UGGT1: variants seen among roughly 807,000 people sequenced by gnomAD.
The protein encoded by UGGT1 is UDP-glucose glycoprotein glucosyltransferase 1.
A neutral mutation model predicts 203.9 loss-of-function variants in UGGT1; 107 were observed. The observed-to-expected ratio is 0.52, with a 90% confidence interval of 0.45 to 0.62. The LOEUF is 0.62. Ranked by LOEUF, UGGT1 falls within the 20% of genes least tolerant of loss-of-function variation. The pLI is 0.00. For missense variants in UGGT1, 1,673 were observed against 1,867.2 expected, an observed-to-expected ratio of 0.90 and a Z score of 1.92; for synonymous variants, 628 against 653.5, an observed-to-expected ratio of 0.96 and a Z score of 0.59.
chr2:128,160,383 T>C (rs1389647304), intron 23 of UGGT1, 77 bp from the exon 24 acceptor site: 2 of 1,436,540 alleles, frequency 1.4e-6, no homozygotes, highest in African/African-American at 2.9e-5. Flanking sequence ...ATTTTTATGG[T>C]TTATTCACTG....
chr2:128,129,414 TTC>T (rs1365772877), intron 13 of UGGT1, among the ~76,000 whole-genome samples: 2 of 151,132 alleles, frequency 1.3e-5, no homozygotes, highest in African/African-American at 4.9e-5. Flanking sequence ...TTTTTTTTTT[TTC>T]AAGACAGAGT....
intron 8 of UGGT1, 29 bp downstream of exon 8, chr2:128,116,372 C>T (rs565942821): frequency 1.3e-5 from 19 of 1,443,308 alleles, no homozygotes; most frequent in Non-Finnish European, 1.8e-5. Context: ...TTTTGGGAAA[C>T]GCCCTCATTT....
At chr2:128,112,454 T>TTATATATATA (rs59726004) in intron 5 of UGGT1, among the ~76,000 whole-genome samples, 616 of 55,786 alleles carry the variant, frequency 0.011, 122 homozygotes, top group Admixed American at 0.037. Context: ...AAATACTATG[T>TTATATATATA]TATATATATA....
At chr2:128,145,524 AT>A (rs1553439898) in intron 17 of UGGT1, 1 of 60,366 alleles carries the variant, frequency 1.7e-5, no homozygotes, top group Non-Finnish European at 3.2e-5. Flanking sequence ...ACACACACAC[AT>A]ACACAAACAC....
At chr2:128,111,560 C>T (rs1687849872) in intron 5 of UGGT1, among the ~76,000 whole-genome samples, 1 of 151,964 alleles carries the variant, frequency 6.6e-6, no homozygotes, top group Non-Finnish European at 1.5e-5. Context: ...GGCTGGAGTG[C>T]AGTGGTGCCA....
intron 15 of UGGT1, among the ~76,000 whole-genome samples, chr2:128,135,880 A>G (rs963997545): frequency 2.0e-5 from 3 of 152,266 alleles, no homozygotes; most frequent in African/African-American, 2.4e-5. Flanking sequence ...TTTGAGTTTC[A>G]TGACATTTTT....
chr2:128,148,270 C>T (rs1689786134), intron 18 of UGGT1, among the ~76,000 whole-genome samples: 3 of 152,112 alleles, frequency 2.0e-5, no homozygotes, highest in Admixed American at 1.3e-4. Context: ...CCACATCGGC[C>T]AGGCTCTAAT....
In UGGT1 at chr2:128,120,383, G is replaced by T; in HGVS notation, c.900G>T (p.Gln300His). ...LRDLHPDLEGQLKELRKHLVE... is the reference protein window; with the variant it reads ...LRDLHPDLEGHLKELRKHLVE... ...ATCTGCACCCCGACCTGGAGGGACA[G>T]TTGAAAGAACTCAGAAAGCATCTTG... is the stretch of plus-strand genomic sequence containing the variant. Residue 300 changes from glutamine to histidine, a missense_variant, in exon 9 of 41, where the codon CAG (glutamine) becomes CAT (histidine). This residue lies in a region of UGGT1 where 1,073 missense variants were observed against 1,078.7 expected (regional missense o/e 0.99). Coordinates refer to ENST00000259253, the MANE Select transcript of UGGT1 (RefSeq NM_020120.4). The T allele has an allele frequency of 6.2e-7, 1 of 1,613,996 alleles. No homozygotes were observed. Among genetic ancestry groups the T allele is most frequent in the Non-Finnish European group, 8.5e-7 (1 of 1,179,986 alleles).
rs542612795 is a variant in UGGT1 at position 128,193,969 on chromosome 2, G to T, written c.*4227G>T. 1 of 152,336 alleles carries T rather than the reference G, an allele frequency of 6.6e-6. No homozygotes were observed. Among genetic ancestry groups the T allele is most frequent in the East Asian group, 1.9e-4 (1 of 5,182 alleles). 9.4% of individuals were successfully genotyped at this position (152,336 alleles called of 1,614,324 possible). A position where few individuals can be genotyped will look rare whatever the true frequency, so the allele number is the denominator to read the frequency against. ...TTCTGAATAGAATATTAGTACTGTG[G>T]TATTGCATTTCATGGGAATGGAAAT... On this transcript the variant is annotated 3_prime_UTR_variant, in exon 41 of 41. Coordinates refer to ENST00000259253, the MANE Select transcript of UGGT1 (RefSeq NM_020120.4).
intron 17 of UGGT1, among the ~76,000 whole-genome samples, chr2:128,143,557 G>A (rs1213998065): frequency 6.6e-6 from 1 of 152,182 alleles, no homozygotes; most frequent in Admixed American, 6.5e-5. Flanking sequence ...GATGAGTAGA[G>A]TGGACAAACT....
At chr2:128,149,383 G>A (rs1182960420) in intron 18 of UGGT1, among the ~76,000 whole-genome samples, 1 of 147,560 alleles carries the variant, frequency 6.8e-6, no homozygotes, top group Non-Finnish European at 1.5e-5. Flanking sequence ...GATGGCTCAT[G>A]CCTGTAATCC....
chr2:128,168,176 AG>A (rs1162863871), intron 26 of UGGT1, among the ~76,000 whole-genome samples: 1 of 152,222 alleles, frequency 6.6e-6, no homozygotes, highest in East Asian at 1.9e-4. Flanking sequence ...TTTCTGATTC[AG>A]TAAGTCTGGG....
intron 17 of UGGT1, 126 bp from the exon 18 acceptor site, chr2:128,145,672 CTTGAG>C (rs1573568643): frequency 4.8e-6 from 4 of 834,996 alleles, no homozygotes; most frequent in Non-Finnish European, 6.9e-6. Context: ...AAAGAAATAT[CTTGAG>C]TTATTTTTTC....
At chr2:128,153,072 T>C (rs1017712637) in intron 19 of UGGT1, among the ~76,000 whole-genome samples, 168 bp downstream of exon 19, 2 of 151,844 alleles carry the variant, frequency 1.3e-5, no homozygotes, top group Non-Finnish European at 2.9e-5. Context: ...GTTCATAATA[T>C]GAGATTCTAA....
Position 128,120,341 on chromosome 2 carries a change from TTA to T in UGGT1, c.873-13_873-12del. 6.2e-7 allele frequency: 1 copy of T among 1,605,400 alleles called. No homozygotes were observed. Among genetic ancestry groups the T allele is most frequent in the Non-Finnish European group, 8.5e-7 (1 of 1,177,118 alleles). On this transcript the variant is annotated splice_polypyrimidine_tract_variant and intron_variant, in intron 8 of 40. Transcript: ENST00000259253. ...AAAAAATAATGAAAAGGACTGATTT[TTA>T]TGTTTCTTTTAGAGATCTGCACCCC...
At chr2:128,184,173 T>C (rs555098441) in intron 38 of UGGT1, among the ~76,000 whole-genome samples, 5 of 152,286 alleles carry the variant, frequency 3.3e-5, no homozygotes, top group African/African-American at 1.2e-4. Context: ...ATTCGTAGTA[T>C]AGAATCACAG....
chr2:128,129,283 T>C (rs1688763584), intron 13 of UGGT1, 104 bp downstream of exon 13: 4 of 1,340,936 alleles, frequency 3.0e-6, no homozygotes, highest in Non-Finnish European at 4.0e-6. Flanking sequence ...ACCATCTCTT[T>C]TGTTGGTGTG....
rs1692314153 is a variant in UGGT1 at position 128,192,462 on chromosome 2, ATGT to A, written c.*2725_*2727del. On this transcript the variant is annotated 3_prime_UTR_variant, in exon 41 of 41. Transcript: ENST00000259253. ...TCAAACTCTGGAAACTGTTCACAGT[ATGT>A]TGTTCTTAGCTGTTATTTATATAAA... The A allele has an allele frequency of 1.3e-5, 2 of 152,220 alleles. No individual in the cohort carries two copies. Among genetic ancestry groups the A allele is most frequent in the Non-Finnish European group, 2.9e-5 (2 of 68,036 alleles). The allele number at this position is 152,220 out of a possible 1,614,324, so 9.4% of individuals were successfully genotyped here. A position where few individuals can be genotyped will look rare whatever the true frequency, so the allele number is the denominator to read the frequency against.
Position 128,143,092 on chromosome 2 carries a change from A to T in UGGT1, c.1720-2A>T. On this transcript the variant is annotated splice_acceptor_variant, in intron 16 of 40. Coordinates refer to ENST00000259253, the MANE Select transcript of UGGT1 (RefSeq NM_020120.4). LOFTEE classifies it high-confidence loss of function. ...TTAACCAACTGTTTTTTCTTTCTTCAGATCTATAACAAGGTGAGGACTGGA... is the reference window on the plus strand; with the variant it reads ...TTAACCAACTGTTTTTTCTTTCTTCTGATCTATAACAAGGTGAGGACTGGA... 1.3e-6 allele frequency: 2 copies of T among 1,584,758 alleles called. No homozygotes were observed. Among genetic ancestry groups the T allele is most frequent in the Admixed American group, 3.6e-5 (2 of 54,980 alleles).
Sources: allele counts gnomAD v4.1 joint callset (sites outside exome capture counted in the v4.1 genomes callset), GRCh38; gene constraint gnomAD v4.1.1; regional missense constraint gnomAD v4.1.1; transcripts MANE v1.5; gene names NCBI Gene and HGNC (gene_info 2026-07-23, HGNC 2026-07-21).